The following PRKAG2 variants were observed in gnomAD, a reference collection of about 807,000 sequenced individuals.
PRKAG2 encodes the protein protein kinase AMP-activated non-catalytic subunit gamma 2, also known as 5'-AMP-activated protein kinase subunit gamma-2.
Under a neutral mutation model 69.6 loss-of-function variants are expected in PRKAG2, and 26 were observed. That is an observed-to-expected ratio of 0.37 (90% CI 0.27 to 0.52). The LOEUF (loss-of-function observed/expected upper bound fraction) is 0.52. Among genes scored for constraint, PRKAG2 ranks in the 20% least tolerant of loss-of-function variants. The probability of loss-of-function intolerance (pLI) is 0.90; values close to 1 mark genes in which losing one functional copy is unlikely to be tolerated. For synonymous variants in PRKAG2, 293 were observed against 285.0 expected, an observed-to-expected ratio of 1.03 and a Z score of -0.28; for missense variants, 557 against 740.0, an observed-to-expected ratio of 0.75 and a Z score of 2.87.
intron 1 of PRKAG2, among the ~76,000 whole-genome samples, chr7:151,832,600 G>GGC (rs1554614858): frequency 1.3e-5 from 2 of 151,476 alleles, no homozygotes; most frequent in African/African-American, 2.4e-5. Flanking sequence ...ATCTCTGGGG[G>GGC]GGGGGTCCCA....
At chr7:151,596,637 T>C (rs902382510) in intron 5 of PRKAG2, among the ~76,000 whole-genome samples, 1 of 152,094 alleles carries the variant, frequency 6.6e-6, no homozygotes, top group Non-Finnish European at 1.5e-5. Context: ...TAATCCCAGC[T>C]TCTCAGGAGG....
At chr7:151,713,180 G>A (rs369780154) in intron 3 of PRKAG2, among the ~76,000 whole-genome samples, 1 of 152,250 alleles carries the variant, frequency 6.6e-6, no homozygotes, top group Non-Finnish European at 1.5e-5. Context: ...AGGACAGGGG[G>A]TCATGGAAGA....
In PRKAG2 at chr7:151,781,496, T is replaced by C; in HGVS notation, c.187-65A>G. On this transcript the variant is annotated intron_variant, in intron 2 of 15. Transcript: ENST00000287878. The surrounding 1 kb of genome is among the most constrained non-coding windows in gnomAD (Gnocchi z 6.1). ...TCTGGACACGCTGCCTCCTGCCCTG[T>C]ATGAAACTTATCATTGTCCTCTCTC... 6.5e-7 allele frequency: 1 copy of C among 1,529,274 alleles called. No homozygotes were observed. The highest frequency in any genetic ancestry group is 8.8e-7 in the Non-Finnish European group (1 of 1,134,098). 94.7% of individuals were successfully genotyped at this position (1,529,274 alleles called of 1,614,324 possible).
chr7:151,650,525 A>ATGC (rs1396856474), intron 4 of PRKAG2, among the ~76,000 whole-genome samples: 1 of 152,178 alleles, frequency 6.6e-6, no homozygotes, highest in Non-Finnish European at 1.5e-5. Context: ...ACAGTGACAT[A>ATGC]TGCTGACACG....
chr7:151,768,207 C>T (rs969899697), intron 3 of PRKAG2, among the ~76,000 whole-genome samples: 2 of 152,172 alleles, frequency 1.3e-5, no homozygotes, highest in Non-Finnish European at 2.9e-5. Flanking sequence ...CTCAAAGCCA[C>T]AGTTCCTACT....
chr7:151,666,300 T>C (rs1394536979), intron 4 of PRKAG2, among the ~76,000 whole-genome samples: 1 of 152,164 alleles, frequency 6.6e-6, no homozygotes, highest in Non-Finnish European at 1.5e-5. Context: ...TAGGCCCTAG[T>C]CCAATAGGAC....
In PRKAG2 at chr7:151,657,713, CCTT is replaced by C. The variant is rs548167311; in HGVS notation, c.684+17704_684+17706del. Reference sequence around the variant, plus strand: ...AAGTGGGTTTGAATCCAAGCCCCTACCTTCATAGTCTAGACACCAGGCAGAAGA... The same window carrying C: ...AAGTGGGTTTGAATCCAAGCCCCTACCATAGTCTAGACACCAGGCAGAAGA... On this transcript the variant is annotated intron_variant, in intron 4 of 15. Coordinates refer to ENST00000287878, the MANE Select transcript of PRKAG2 (RefSeq NM_016203.4). Among the ~76,000 whole-genome samples, 3 of 152,320 alleles carry C rather than the reference CCTT, an allele frequency of 2.0e-5. No homozygotes were observed. The South Asian group carries it at 6.2e-4, about 32-fold the overall frequency.
At chr7:151,625,470 G>T (rs571698598) in intron 5 of PRKAG2, among the ~76,000 whole-genome samples, 2 of 152,338 alleles carry the variant, frequency 1.3e-5, no homozygotes, top group East Asian at 3.9e-4. Flanking sequence ...CAAAGGAAAA[G>T]TACCGGAGGC....
chr7:151,670,016 CTGCATGCACACACA>C (rs982464443), intron 4 of PRKAG2, among the ~76,000 whole-genome samples: 1 of 92,674 alleles, frequency 1.1e-5, no homozygotes, highest in Non-Finnish European at 2.1e-5. Flanking sequence ...GTGCACACAC[CTGCATGCACACACA>C]CCTGCATGCA....
At chr7:151,795,890 T>TACACATAA (rs1491286413) in intron 1 of PRKAG2, among the ~76,000 whole-genome samples, 1 of 96,602 alleles carries the variant, frequency 1.0e-5, no homozygotes, top group African/African-American at 4.4e-5. Flanking sequence ...TATATATATA[T>TACACATAA]CACGATAATA....
intron 3 of PRKAG2, among the ~76,000 whole-genome samples, chr7:151,689,146 T>A (rs1371901359): frequency 6.6e-6 from 1 of 151,678 alleles, no homozygotes; most frequent in African/African-American, 2.4e-5. Flanking sequence ...GTACCTGGAG[T>A]TTTTTCCTGT....
chr7:151,768,183 T>A (rs2075838041), intron 3 of PRKAG2, among the ~76,000 whole-genome samples: 1 of 152,148 alleles, frequency 6.6e-6, no homozygotes, highest in Non-Finnish European at 1.5e-5. Context: ...AGGAGGAGGT[T>A]TCTGCCCAGC....
chr7:151,712,208 G>T (rs956926466), intron 3 of PRKAG2, among the ~76,000 whole-genome samples: 23 of 152,326 alleles, frequency 1.5e-4, no homozygotes, highest in African/African-American at 5.5e-4. Flanking sequence ...GCCTCCGCCC[G>T]ACCCTCTGAG....
chr7:151,585,524 A>C (rs1399077935), intron 6 of PRKAG2, among the ~76,000 whole-genome samples: 2 of 152,090 alleles, frequency 1.3e-5, no homozygotes, highest in East Asian at 3.9e-4. Flanking sequence ...AGGGCTTGCC[A>C]TTCTCCCTCC....
At chr7:151,710,685 T>A (rs78257587) in intron 3 of PRKAG2, among the ~76,000 whole-genome samples, 4 of 152,152 alleles carry the variant, frequency 2.6e-5, no homozygotes, top group East Asian at 3.9e-4. Flanking sequence ...TGCCACATGC[T>A]CATTCAGCTT....
intron 5 of PRKAG2, among the ~76,000 whole-genome samples, chr7:151,609,178 T>C (rs745680405): frequency 6.6e-6 from 1 of 152,218 alleles, no homozygotes; most frequent in Non-Finnish European, 1.5e-5. Flanking sequence ...CATTCTACCA[T>C]ACACATTTTA....
In PRKAG2 at chr7:151,727,003, G is replaced by A. The variant is rs1263646374; in HGVS notation, c.467-51366C>T. 2.6e-5 allele frequency among the ~76,000 whole-genome samples: 4 copies of A among 152,204 alleles called. No homozygotes were observed. In the South Asian group the frequency reaches 8.4e-4, roughly 32 times the overall value. On this transcript the variant is annotated intron_variant, in intron 3 of 15. Coordinates refer to ENST00000287878, the MANE Select transcript of PRKAG2 (RefSeq NM_016203.4). ...GGCCAAGGCGGGCGGATCACCTGAG[G>A]TCAGGAATTCAAGACCAGTCTGACC...
chr7:151,784,518 A>G (rs533644155), intron 2 of PRKAG2, among the ~76,000 whole-genome samples: 2 of 152,204 alleles, frequency 1.3e-5, no homozygotes, highest in South Asian at 4.1e-4. Flanking sequence ...ACAGCTGGCT[A>G]GGCTTCAGAG....
chr7:151,870,763 T>C (rs1471657963), intron 1 of PRKAG2, among the ~76,000 whole-genome samples: 2 of 152,168 alleles, frequency 1.3e-5, no homozygotes, highest in African/African-American at 2.4e-5. Flanking sequence ...GGAGGGTGCG[T>C]GGCCTTCTCG....
Sources: allele counts gnomAD v4.1 joint callset (sites outside exome capture counted in the v4.1 genomes callset), GRCh38; gene constraint gnomAD v4.1.1; non-coding constraint Gnocchi (gnomAD v3.1); transcripts MANE v1.5; gene names NCBI Gene and HGNC (gene_info 2026-07-23, HGNC 2026-07-21).